SEMA5A: variants seen among roughly 807,000 people sequenced by gnomAD.
The protein encoded by SEMA5A is semaphorin-5A.
In SEMA5A, 55 loss-of-function variants were observed where a neutral mutation model predicts 135.5. The observed-to-expected ratio is 0.41, with a 90% CI of 0.33 to 0.51. The LOEUF (loss-of-function observed/expected upper bound fraction) is 0.51, where lower values mean the gene tolerates loss of function less well. Among genes scored for constraint, SEMA5A ranks in the 20% least tolerant of loss-of-function variants. The pLI is 0.37. For synonymous variants in SEMA5A, 580 were observed against 546.5 expected (o/e 1.06, Z -0.85); for missense variants, 1,290 against 1,419.9 (o/e 0.91, Z 1.47).
At chr5:9,354,672 T>C (rs777853332) in intron 3 of SEMA5A, among the ~76,000 whole-genome samples, 7 of 152,184 alleles carry the variant, frequency 4.6e-5, no homozygotes, top group African/African-American at 1.2e-4. Context: ...TCTCATTGAA[T>C]GCTTATCCGA....
chr5:9,041,054 G>C lies in SEMA5A; in HGVS notation c.*1843C>G, dbSNP rs1735940011. On this transcript the variant is annotated 3_prime_UTR_variant, in exon 23 of 23. Transcript: ENST00000382496. The stretch of plus-strand genomic sequence containing the variant: ...TCTGACATATGAGGAATGAGTGAGA[G>C]GCAACATGAAGTCCCCACTGCAAAG... 1 of 152,108 alleles carries C rather than the reference G, an allele frequency of 6.6e-6. No individual in the cohort carries two copies. Among genetic ancestry groups the C allele is most frequent in the African/African-American group, 2.4e-5 (1 of 41,416 alleles). The allele number at this position is 152,108 out of a possible 1,614,324, so 9.4% of individuals were successfully genotyped here.
chr5:9,050,715 T>C (rs973835184), intron 20 of SEMA5A, among the ~76,000 whole-genome samples: 1 of 152,230 alleles, frequency 6.6e-6, no homozygotes, highest in African/African-American at 2.4e-5. Flanking sequence ...TCTCTCAGGC[T>C]GAAAGCAGGG....
rs533533876 is a variant in SEMA5A at position 9,199,074 on chromosome 5, C to T, written c.933-1771G>A. On this transcript the variant is annotated intron_variant, in intron 9 of 22. Transcript: ENST00000382496. ...GCAGAGAAATAAAGCAGGATTTGTACCTGCTTTGCATGGGGCCCCAGGTTT... is the reference window on the plus strand; with the variant it reads ...GCAGAGAAATAAAGCAGGATTTGTATCTGCTTTGCATGGGGCCCCAGGTTT... 2.6e-5 allele frequency among the ~76,000 whole-genome samples: 4 copies of T among 152,200 alleles called. No individual in the cohort carries two copies. The East Asian group carries it at 7.7e-4, about 29-fold the overall frequency.
rs187566139 is a variant in SEMA5A at position 9,206,494 on chromosome 5, G to A, written c.647-4254C>T. 5.3e-5 allele frequency among the ~76,000 whole-genome samples: 8 copies of A among 151,490 alleles called. No individual in the cohort carries two copies. In the East Asian group the frequency reaches 1.6e-3, roughly 30 times the overall value. ...TCAAAAATTTTGAGATTTCGACCAC[G>A]CAAAACCAAATACTGAGAATCCAAA... On this transcript the variant is annotated intron_variant, in intron 8 of 22. Coordinates refer to ENST00000382496, the MANE Select transcript of SEMA5A (RefSeq NM_003966.3).
At chr5:9,144,479 C>A (rs1742224398) in intron 12 of SEMA5A, among the ~76,000 whole-genome samples, 1 of 152,166 alleles carries the variant, frequency 6.6e-6, no homozygotes, top group East Asian at 1.9e-4. Context: ...TGCCAAGGAA[C>A]CCTTCTGTGT....
At chr5:9,220,778 G>A (rs1746902131) in intron 8 of SEMA5A, among the ~76,000 whole-genome samples, 1 of 152,174 alleles carries the variant, frequency 6.6e-6, no homozygotes, top group African/African-American at 2.4e-5. Flanking sequence ...AGGCAACAAT[G>A]TCATCCTTCC....
chr5:9,360,327 T>C (rs999931528), intron 3 of SEMA5A, among the ~76,000 whole-genome samples: 2 of 152,210 alleles, frequency 1.3e-5, no homozygotes, highest in African/African-American at 4.8e-5. Context: ...TTGGATAGAT[T>C]AAATATATCA....
chr5:9,269,970 G>C (rs1308269667), intron 5 of SEMA5A, among the ~76,000 whole-genome samples: 2 of 152,030 alleles, frequency 1.3e-5, no homozygotes, highest in Non-Finnish European at 2.9e-5. Context: ...CCCCTTAGCT[G>C]GTTTCTGGGA....
At chr5:9,132,497 A>G (rs1447653342) in intron 13 of SEMA5A, among the ~76,000 whole-genome samples, 5 of 152,192 alleles carry the variant, frequency 3.3e-5, no homozygotes, top group Admixed American at 2.6e-4. Context: ...CCCTCACCAG[A>G]CTAAGTAGTG....
At position 9,409,943 on chromosome 5, in the gene SEMA5A, GTT is replaced by G. The variant is rs1193703103; in HGVS notation, c.-78+27811_-78+27812del. The stretch of plus-strand genomic sequence containing the variant: ...ATATTAAGTAAATCTTTTACTGAGG[GTT>G]TTTTCTATCCAGGCACAATGGAACC... On this transcript the variant is annotated intron_variant, in intron 2 of 22. Transcript: ENST00000382496. Among the ~76,000 whole-genome samples the G allele has an allele frequency of 6.7e-5, 10 of 149,806 alleles. No homozygotes were observed. In the East Asian group the frequency reaches 2.0e-3, roughly 30 times the overall value.
At chr5:9,220,261 G>C (rs1016619361) in intron 8 of SEMA5A, among the ~76,000 whole-genome samples, 1 of 152,126 alleles carries the variant, frequency 6.6e-6, no homozygotes, top group South Asian at 2.1e-4. Context: ...GGTGTACACT[G>C]TTCAGGTGAA....
At chr5:9,228,117 C>G (rs1403213242) in intron 6 of SEMA5A, among the ~76,000 whole-genome samples, 1 of 152,066 alleles carries the variant, frequency 6.6e-6, no homozygotes, top group African/African-American at 2.4e-5. Context: ...AATCCAGGCT[C>G]CTGGCAGAAA....
At position 9,052,036 on chromosome 5, in the gene SEMA5A, G is replaced by T; in HGVS notation, c.2690-8C>A. On this transcript the variant is annotated splice_polypyrimidine_tract_variant and splice_region_variant and intron_variant, in intron 19 of 22. Transcript: ENST00000382496. ...ACCACTCCGACCAGCTCTCTGCAGAGACCAGAAAAGGGGAGATGGGGCGGA... is the reference window on the plus strand; with the variant it reads ...ACCACTCCGACCAGCTCTCTGCAGATACCAGAAAAGGGGAGATGGGGCGGA... 1 of 1,578,894 alleles carries T rather than the reference G, an allele frequency of 6.3e-7. No homozygotes were observed.
rs146677300 is a variant in SEMA5A at position 9,194,032 on chromosome 5, T to C, written c.1068+3136A>G. On this transcript the variant is annotated intron_variant, in intron 10 of 22. Transcript: ENST00000382496. ...TACATTTGAGGGTCTATTCGTCCAT[T>C]TCAACTCCATCCTTTCAGAGTGACA... is the stretch of plus-strand genomic sequence containing the variant. Among the ~76,000 whole-genome samples the C allele has an allele frequency of 3.3e-3, 501 of 152,286 alleles. 3 individuals are homozygous for C. The highest frequency in any genetic ancestry group is 0.012 in the African/African-American group (486 of 41,562).
chr5:9,047,735 C>A (rs978434770), intron 21 of SEMA5A, among the ~76,000 whole-genome samples: 1 of 152,164 alleles, frequency 6.6e-6, no homozygotes, highest in African/African-American at 2.4e-5. Flanking sequence ...CAATAAGATT[C>A]ATCTAAACTG....
intron 8 of SEMA5A, among the ~76,000 whole-genome samples, chr5:9,207,134 A>ATATATATATATATAT (rs1491507145): frequency 2.3e-3 from 322 of 139,532 alleles, no homozygotes; most frequent in South Asian, 3.2e-3. Context: ...ATATATATAT[A>ATATATATATATATAT]AAGCTTAAAG....
intron 1 of SEMA5A, among the ~76,000 whole-genome samples, chr5:9,483,238 A>G (rs1759943737): frequency 6.6e-6 from 1 of 151,546 alleles, no homozygotes. Flanking sequence ...ACCCTTTCCC[A>G]TTTATCTTTC....
chr5:9,354,157 G>T (rs992627277), intron 3 of SEMA5A, among the ~76,000 whole-genome samples: 5 of 152,036 alleles, frequency 3.3e-5, no homozygotes, highest in Non-Finnish European at 5.9e-5. Context: ...CCTTCCATTG[G>T]CTTTGCCCTT....
intron 18 of SEMA5A, 49 bp downstream of exon 18, chr5:9,062,838 C>G (rs1235121775): frequency 6.3e-7 from 1 of 1,594,250 alleles, no homozygotes; most frequent in East Asian, 2.2e-5. Flanking sequence ...GAAGACTCTC[C>G]AAGGCCCTTG....
Sources: allele counts gnomAD v4.1 joint callset (sites outside exome capture counted in the v4.1 genomes callset), GRCh38; gene constraint gnomAD v4.1.1; transcripts MANE v1.5; gene names NCBI Gene and HGNC (gene_info 2026-07-23, HGNC 2026-07-21).